The following LRRFIP2 variants were observed in gnomAD, a reference collection of about 807,000 sequenced individuals.
The protein encoded by LRRFIP2 is leucine-rich repeat flightless-interacting protein 2.
In LRRFIP2, 109 loss-of-function variants were observed where a neutral mutation model predicts 125.9. The ratio of observed to expected loss-of-function variants is 0.87; its 90% CI spans 0.74 to 1.01. LRRFIP2 has a LOEUF of 1.01. Ranked by LOEUF, LRRFIP2 falls within the 50% of genes least tolerant of loss-of-function variation. LRRFIP2 has a pLI of 0.00. For synonymous variants in LRRFIP2, 291 were observed against 293.1 expected, an observed-to-expected ratio of 0.99 and a Z score of 0.07; for missense variants, 850 against 862.3, an observed-to-expected ratio of 0.99 and a Z score of 0.18.
rs1177761897 is a variant in LRRFIP2 at position 37,060,552 on chromosome 3, C to A, written c.1750-1642G>T. On this transcript the variant is annotated intron_variant, in intron 24 of 27. Coordinates refer to ENST00000336686, the MANE Select transcript of LRRFIP2 (RefSeq NM_006309.4). The surrounding 1 kb of genome is among the most constrained non-coding windows in gnomAD (Gnocchi z 4.1). ...TCCTGACCTCAAGTCATCCACCCAC[C>A]TTGGCCTCCCCAAGTGCTGGGATTA... 6.6e-6 allele frequency among the ~76,000 whole-genome samples: 1 copy of A among 151,940 alleles called. No homozygotes were observed.
intron 8 of LRRFIP2, among the ~76,000 whole-genome samples, chr3:37,111,505 G>A (rs1463524545): frequency 1.3e-5 from 2 of 152,196 alleles, no homozygotes; most frequent in South Asian, 2.1e-4. Flanking sequence ...AAATGAAAGA[G>A]AGAGTACGAT....
At chr3:37,079,918 G>A (rs1576229809) in intron 19 of LRRFIP2, among the ~76,000 whole-genome samples, 1 of 152,088 alleles carries the variant, frequency 6.6e-6, no homozygotes, top group Non-Finnish European at 1.5e-5. Flanking sequence ...AAGACTGAGG[G>A]GTTTGGGGGA....
chr3:37,055,119 T>C lies in LRRFIP2; in HGVS notation c.1917A>G (p.Lys639=). The C allele has an allele frequency of 6.3e-7, 1 of 1,597,014 alleles. No individual in the cohort carries two copies. Among genetic ancestry groups the C allele is most frequent in the Admixed American group, 1.8e-5 (1 of 54,224 alleles). Residue 639 remains lysine (K), a synonymous_variant, in exon 26 of 28, where the codon AAA becomes AAG. Transcript: ENST00000336686. ...QISEYKFKLS[K]AEQDITTLEQ... is the part of the protein sequence containing the mutation. Reference sequence around the variant, plus strand: ...CCAAGGTAGTTATATCCTGTTCTGCTTTTGAAAGCTTAAATTTGTATTCGC... The same window carrying C: ...CCAAGGTAGTTATATCCTGTTCTGCCTTTGAAAGCTTAAATTTGTATTCGC...
intron 19 of LRRFIP2, among the ~76,000 whole-genome samples, chr3:37,080,642 C>T (rs1464822146): frequency 3.3e-5 from 5 of 151,132 alleles, no homozygotes; most frequent in Non-Finnish European, 1.5e-5. Context: ...TGCCTAACTA[C>T]CTATTTACAG....
chr3:37,062,584 G>A (rs781692285), intron 24 of LRRFIP2, among the ~76,000 whole-genome samples: 48 of 152,208 alleles, frequency 3.2e-4, no homozygotes, highest in Middle Eastern at 6.8e-3. Context: ...CCACAAAGAG[G>A]AGAAAAATAG....
intron 4 of LRRFIP2, among the ~76,000 whole-genome samples, chr3:37,122,893 CA>C (rs1455795383): frequency 1.3e-5 from 2 of 152,210 alleles, no homozygotes; most frequent in Non-Finnish European, 2.9e-5. Context: ...CTAATCATCT[CA>C]AACAGTAAGG....
At chr3:37,138,141 T>C (rs1372191652) in intron 2 of LRRFIP2, among the ~76,000 whole-genome samples, 4 of 152,330 alleles carry the variant, frequency 2.6e-5, no homozygotes, top group Middle Eastern at 3.4e-3. Context: ...GAGGTAAAAA[T>C]GTCTCAAAGT....
intron 18 of LRRFIP2, among the ~76,000 whole-genome samples, chr3:37,089,063 T>C (rs1186822944): frequency 1.3e-5 from 2 of 152,232 alleles, no homozygotes; most frequent in South Asian, 2.1e-4. Context: ...TTTTGTTCTA[T>C]AGCTTGCCTT....
At chr3:37,119,263 A>G (rs2094923679) in intron 6 of LRRFIP2, among the ~76,000 whole-genome samples, 1 of 152,188 alleles carries the variant, frequency 6.6e-6, no homozygotes, top group South Asian at 2.1e-4. Flanking sequence ...ACATAATGAA[A>G]TTAAATACTG....
At chr3:37,124,715 T>C (rs2095207613) in intron 4 of LRRFIP2, among the ~76,000 whole-genome samples, 1 of 152,166 alleles carries the variant, frequency 6.6e-6, no homozygotes, top group African/African-American at 2.4e-5. Flanking sequence ...CATCCTATAC[T>C]GGCTAAATTT....
At chr3:37,156,213 C>A (rs1410197935) in intron 1 of LRRFIP2, among the ~76,000 whole-genome samples, 5 of 152,144 alleles carry the variant, frequency 3.3e-5, no homozygotes, top group Non-Finnish European at 7.3e-5. Context: ...AGCATGGTGG[C>A]TCACACCTGT....
intron 2 of LRRFIP2, among the ~76,000 whole-genome samples, chr3:37,136,973 T>TGG (rs536855501): frequency 2.9e-4 from 23 of 78,676 alleles, no homozygotes; most frequent in East Asian, 9.8e-4. Context: ...GGTGGGGGGG[T>TGG]GGGGGGGGGG....
At chr3:37,140,955 T>A (rs2095681864) in intron 2 of LRRFIP2, among the ~76,000 whole-genome samples, 1 of 152,080 alleles carries the variant, frequency 6.6e-6, no homozygotes, top group Non-Finnish European at 1.5e-5. Context: ...TCTCATCATC[T>A]TTCACTAAGA....
chr3:37,084,368 A>C (rs964530945), intron 18 of LRRFIP2, among the ~76,000 whole-genome samples: 2 of 152,188 alleles, frequency 1.3e-5, no homozygotes, highest in African/African-American at 4.8e-5. Context: ...AATGAATATT[A>C]AAAAAAGAGC....
At chr3:37,055,976 T>A (rs950179386) in intron 25 of LRRFIP2, among the ~76,000 whole-genome samples, 1 of 152,212 alleles carries the variant, frequency 6.6e-6, no homozygotes, top group South Asian at 2.1e-4. Flanking sequence ...CCCTTAATTA[T>A]AAGTCCTTCC....
intron 15 of LRRFIP2, among the ~76,000 whole-genome samples, chr3:37,102,415 A>T (rs904656196): frequency 6.6e-6 from 1 of 152,186 alleles, no homozygotes; most frequent in East Asian, 1.9e-4. Context: ...AGGGGGAAAA[A>T]GTTTTTTTTT....
chr3:37,107,105 T>C (rs1441370636), intron 13 of LRRFIP2, among the ~76,000 whole-genome samples: 1 of 152,050 alleles, frequency 6.6e-6, no homozygotes, highest in Non-Finnish European at 1.5e-5. Context: ...GGTTTCACCA[T>C]GTCGGTCAGG....
chr3:37,055,216 A>G (rs969809890), intron 25 of LRRFIP2, 51 bp from the exon 26 acceptor site: 1 of 1,114,822 alleles, frequency 9.0e-7, no homozygotes, highest in Non-Finnish European at 1.3e-6. Context: ...AGATGACAGT[A>G]TGAGCCATCA....
chr3:37,158,438 C>T (rs981078927), intron 1 of LRRFIP2, among the ~76,000 whole-genome samples: 2 of 151,710 alleles, frequency 1.3e-5, no homozygotes, highest in Non-Finnish European at 2.9e-5. Context: ...GGAACCCCAT[C>T]TCTACTAAAA....
Sources: gnomAD v4.1 joint callset for allele counts (sites outside exome capture counted in the v4.1 genomes callset) on GRCh38, gnomAD v4.1.1 for gene constraint, Gnocchi (gnomAD v3.1) non-coding constraint, MANE v1.5 for transcripts, NCBI Gene and HGNC (gene_info 2026-07-23, HGNC 2026-07-21) for gene names.